OTOGL: variants seen among roughly 807,000 people sequenced by gnomAD.
OTOGL encodes the protein otogelin-like protein.
In OTOGL, 285 loss-of-function variants were observed where a neutral mutation model predicts 318.5. The observed-to-expected ratio is 0.89, with a 90% CI of 0.81 to 0.99. OTOGL has a LOEUF of 0.99. OTOGL is among the 50% of genes least tolerant of loss of function. The pLI is 0.00. For missense variants in OTOGL, 2,899 were observed against 2,845.6 expected (o/e 1.02, Z -0.43); for synonymous variants, 987 against 936.5 (o/e 1.05, Z -0.99).
chr12:80,222,955 GTT>G (rs1878490009), intron 7 of OTOGL, among the ~76,000 whole-genome samples: 1 of 151,848 alleles, frequency 6.6e-6, no homozygotes, highest in Non-Finnish European at 1.5e-5. Context: ...TTGGTTACAT[GTT>G]GATTTCTGAG....
intron 1 of OTOGL, among the ~76,000 whole-genome samples, chr12:80,103,678 C>T (rs142397843): frequency 6.6e-6 from 1 of 152,314 alleles, no homozygotes; most frequent in African/African-American, 2.4e-5. Context: ...GTGCCTTGCA[C>T]ATAGTTGGCA....
intron 1 of OTOGL, among the ~76,000 whole-genome samples, chr12:80,142,482 T>C (rs1439225568): frequency 6.6e-6 from 1 of 152,164 alleles, no homozygotes; most frequent in Non-Finnish European, 1.5e-5. Flanking sequence ...AGATATAAAC[T>C]CCTCCCCATT....
chr12:80,290,426 G>A lies in OTOGL; in HGVS notation c.2929-6401G>A, dbSNP rs148853616. Among the ~76,000 whole-genome samples the A allele has an allele frequency of 3.2e-3, 480 of 151,868 alleles. 24 individuals are homozygous for A. The East Asian group carries it at 0.064, about 20-fold the overall frequency. On this transcript the variant is annotated intron_variant, in intron 26 of 58. Coordinates refer to ENST00000547103, the MANE Select transcript of OTOGL (RefSeq NM_001378609.3). ...ATGTCTATGGACCATATTTTGAGTA[G>A]TAAGGATGTAGAACATTTTACTTTC...
At chr12:80,353,731 G>A (rs1266472688) in intron 46 of OTOGL, among the ~76,000 whole-genome samples, 1 of 152,176 alleles carries the variant, frequency 6.6e-6, no homozygotes, top group African/African-American at 2.4e-5. Context: ...TCTGCCCATA[G>A]TAACTGAGAA....
In OTOGL at chr12:80,328,934, C is replaced by G. The variant is rs1887887056; in HGVS notation, c.4280-117C>G. 3 of 1,077,966 alleles carry G rather than the reference C, an allele frequency of 2.8e-6. No individual in the cohort carries two copies. In the South Asian group the frequency reaches 4.8e-5, roughly 17 times the overall value. The allele number at this position is 1,077,966 out of a possible 1,614,324, so 66.8% of individuals were successfully genotyped here. A position where few individuals can be genotyped will look rare whatever the true frequency, so the allele number is the denominator to read the frequency against. On this transcript the variant is annotated intron_variant, in intron 36 of 58. Transcript: ENST00000547103. The stretch of plus-strand genomic sequence containing the variant: ...TCATGTAGATCTTCCACTAACATCT[C>G]TCCTGCATTCTTTTTCCCAAAACAT...
intron 26 of OTOGL, among the ~76,000 whole-genome samples, chr12:80,287,598 G>A (rs548380697): frequency 4.1e-4 from 62 of 152,246 alleles, no homozygotes; most frequent in African/African-American, 1.5e-3. Context: ...GGGTGCGTAT[G>A]TATTTAGGAT....
At chr12:80,138,796 G>T (rs543606462) in intron 1 of OTOGL, among the ~76,000 whole-genome samples, 1 of 152,272 alleles carries the variant, frequency 6.6e-6, no homozygotes, top group Non-Finnish European at 1.5e-5. Flanking sequence ...AGTCAGAGGG[G>T]TAAAATTAAT....
rs1376942990 is a variant in OTOGL, at chr12:80,236,816, C to CTTTTT, written c.818-2027_818-2023dup. Among the ~76,000 whole-genome samples the CTTTTT allele has an allele frequency of 6.6e-3, 909 of 137,582 alleles. 19 individuals are homozygous for CTTTTT. Among genetic ancestry groups the CTTTTT allele is most frequent in the African/African-American group, 0.023 (863 of 37,356 alleles). The allele number at this position is 137,582 out of a possible 152,430, so 90.3% of individuals were successfully genotyped here. A position where few individuals can be genotyped will look rare whatever the true frequency, so the allele number is the denominator to read the frequency against. On this transcript the variant is annotated intron_variant, in intron 9 of 58. Transcript: ENST00000547103. ...GTTTTTCTTTTTTTCTTTTTCTTTT[C>CTTTTT]TTTTTTTTTTTTGTTTGAGACAGGG...
At chr12:80,251,919 C>A (rs1269115979) in intron 12 of OTOGL, 120 bp downstream of exon 12, 9 of 1,176,826 alleles carry the variant, frequency 7.6e-6, no homozygotes, top group Admixed American at 3.1e-5. Context: ...ATTGAGATAT[C>A]CATGAACTTG....
At chr12:80,144,683 G>C (rs1294513604) in intron 1 of OTOGL, among the ~76,000 whole-genome samples, 1 of 151,894 alleles carries the variant, frequency 6.6e-6, no homozygotes, top group Non-Finnish European at 1.5e-5. Flanking sequence ...CAGTGTAAAA[G>C]TGTTCCTATT....
chr12:80,342,068 C>A lies in OTOGL; in HGVS notation c.5171C>A (p.Thr1724Lys). 1.2e-6 allele frequency: 2 copies of A among 1,607,272 alleles called. No homozygotes were observed. The highest frequency in any genetic ancestry group is 1.7e-6 in the Non-Finnish European group (2 of 1,176,162). Residue 1724 changes from threonine to lysine, a missense_variant, in exon 44 of 59, where the codon ACA becomes AAA. Physicochemically the swap from Thr to Lys is moderately conservative, Grantham distance 78. Around this residue, in one of 3 missense-constraint regions of OTOGL, gnomAD observed 2,607 missense variants for 2,524.9 expected, o/e 1.03. Transcript: ENST00000547103. Reference sequence around the variant, plus strand: ...GAAATTGAGAAATCATTTGAAGTAACAATGAGAAGACCTGTTAGGAATTGT... The same window carrying A: ...GAAATTGAGAAATCATTTGAAGTAAAAATGAGAAGACCTGTTAGGAATTGT... ...SWEIEKSFEV[T>K]MRRPVRNCTE...
At chr12:80,374,087 G>A (rs999494911) in intron 57 of OTOGL, among the ~76,000 whole-genome samples, 11 of 152,154 alleles carry the variant, frequency 7.2e-5, no homozygotes, top group Non-Finnish European at 1.5e-4. Context: ...AAACCAAAAA[G>A]TGGTTGGAAA....
At chr12:80,286,398 A>G (rs1259535048) in intron 26 of OTOGL, among the ~76,000 whole-genome samples, 2 of 152,190 alleles carry the variant, frequency 1.3e-5, no homozygotes, top group Non-Finnish European at 2.9e-5. Context: ...AAAATGAGTT[A>G]GGGAGTAGTC....
At chr12:80,271,993 T>C (rs1013557861) in intron 24 of OTOGL, among the ~76,000 whole-genome samples, 183 bp downstream of exon 24, 1 of 152,150 alleles carries the variant, frequency 6.6e-6, no homozygotes, top group Non-Finnish European at 1.5e-5. Context: ...ATATTATTAA[T>C]GTAATACACT....
At chr12:80,305,823 A>C (rs1317153413) in intron 29 of OTOGL, 128 bp downstream of exon 29, 1 of 789,212 alleles carries the variant, frequency 1.3e-6, no homozygotes, top group Non-Finnish European at 1.8e-6. Flanking sequence ...ATAGCTGATA[A>C]ACATTCATAT....
chr12:80,211,787 C>T (rs1016909325), intron 3 of OTOGL, among the ~76,000 whole-genome samples, 162 bp from the exon 4 acceptor site: 4 of 152,152 alleles, frequency 2.6e-5, no homozygotes, highest in Admixed American at 2.0e-4. Context: ...AATCTAACCC[C>T]TCCAGAAAGG....
At chr12:80,270,786 A>G (rs929414444) in intron 23 of OTOGL, among the ~76,000 whole-genome samples, 1 of 152,094 alleles carries the variant, frequency 6.6e-6, no homozygotes, top group Non-Finnish European at 1.5e-5. Context: ...TATTAGGACC[A>G]TATATATTAT....
chr12:80,166,050 A>T (rs1331992363), intron 1 of OTOGL, among the ~76,000 whole-genome samples: 1 of 152,084 alleles, frequency 6.6e-6, no homozygotes, highest in Non-Finnish European at 1.5e-5. Context: ...AGTGATACCC[A>T]ATTTTTAAAT....
chr12:80,264,479 T>C (rs1278770566), intron 19 of OTOGL, among the ~76,000 whole-genome samples: 1 of 152,236 alleles, frequency 6.6e-6, no homozygotes, highest in African/African-American at 2.4e-5. Flanking sequence ...TGCCAGACAT[T>C]GTACACTGTG....
Sources: allele counts gnomAD v4.1 joint callset (sites outside exome capture counted in the v4.1 genomes callset), GRCh38; gene constraint gnomAD v4.1.1; regional missense constraint gnomAD v4.1.1; transcripts MANE v1.5; gene names NCBI Gene and HGNC (gene_info 2026-07-23, HGNC 2026-07-21).